DYSF: variants seen among roughly 807,000 people sequenced by gnomAD.
The protein encoded by DYSF is dysferlin, also known as dystrophy-associated fer-1-like 1.
DYSF carries 212 observed loss-of-function variants against 274.9 expected under a neutral mutation model. The observed-to-expected ratio is 0.77, with a 90% CI of 0.69 to 0.86. The LOEUF is 0.86. DYSF is among the 40% of genes least tolerant of loss of function. The probability of loss-of-function intolerance (pLI) is 0.00; values close to 1 mark genes in which losing one functional copy is unlikely to be tolerated. For synonymous variants in DYSF, 1,091 were observed against 1,078.7 expected (o/e 1.01, Z -0.22); for missense variants, 2,666 against 2,783.2 (o/e 0.96, Z 0.95).
At chr2:71,594,918 A>G (rs1451728807) in intron 32 of DYSF, among the ~76,000 whole-genome samples, 1 of 152,040 alleles carries the variant, frequency 6.6e-6, no homozygotes, top group Non-Finnish European at 1.5e-5. Flanking sequence ...CAGTAGTCAC[A>G]CTCTTAAGAG....
intron 42 of DYSF, among the ~76,000 whole-genome samples, chr2:71,652,174 G>A (rs1422272968): frequency 6.6e-6 from 1 of 152,178 alleles, no homozygotes; most frequent in Non-Finnish European, 1.5e-5. Flanking sequence ...CTCAATATAG[G>A]TTAAGGTACT....
chr2:71,543,869 AGACCG>A (rs2090211501), intron 17 of DYSF, among the ~76,000 whole-genome samples: 2 of 146,470 alleles, frequency 1.4e-5, no homozygotes, highest in Admixed American at 6.7e-5. Flanking sequence ...AGGGAGAGGG[AGACCG>A]TGGGGAGAGG....
intron 41 of DYSF, among the ~76,000 whole-genome samples, chr2:71,632,988 TCTTTA>T (rs2094340389): frequency 6.6e-6 from 1 of 152,228 alleles, no homozygotes; most frequent in Non-Finnish European, 1.5e-5. Context: ...TGGTTAAAGG[TCTTTA>T]CTTCTTTCCC....
intron 12 of DYSF, 122 bp downstream of exon 12, chr2:71,521,026 T>C (rs777429387): frequency 1.7e-4 from 130 of 759,388 alleles, no homozygotes; most frequent in Non-Finnish European, 2.6e-4. Context: ...TGGTAATTAA[T>C]GAGAAATGTG....
intron 42 of DYSF, 122 bp from the exon 43 acceptor site, chr2:71,656,040 T>G (rs962727474): frequency 3.5e-5 from 45 of 1,283,368 alleles, no homozygotes; most frequent in Non-Finnish European, 4.7e-5. Context: ...CTCTCTTCCT[T>G]CTCTCTCTTT....
chr2:71,632,146 T>G (rs548658975), intron 41 of DYSF, among the ~76,000 whole-genome samples: 11 of 152,348 alleles, frequency 7.2e-5, no homozygotes, highest in African/African-American at 2.4e-4. Flanking sequence ...CCTATCTCTA[T>G]TGGTCCTATG....
At chr2:71,538,087 C>T (rs752614946) in intron 16 of DYSF, among the ~76,000 whole-genome samples, 6 of 152,220 alleles carry the variant, frequency 3.9e-5, no homozygotes. Flanking sequence ...CCTCAAATCC[C>T]AGCTTTGCCA....
intron 1 of DYSF, among the ~76,000 whole-genome samples, chr2:71,455,374 A>G (rs2081017030): frequency 6.6e-6 from 1 of 152,168 alleles, no homozygotes; most frequent in Non-Finnish European, 1.5e-5. Flanking sequence ...AGCAGTGTAC[A>G]CCAAGAGTGG....
At chr2:71,548,799 CA>C (rs1008331927) in intron 17 of DYSF, among the ~76,000 whole-genome samples, 131 of 151,768 alleles carry the variant, frequency 8.6e-4, no homozygotes, top group African/African-American at 2.5e-3. Context: ...GTGGAGCCTT[CA>C]GGGGGGTGAT....
intron 4 of DYSF, among the ~76,000 whole-genome samples, chr2:71,508,809 A>G (rs2085770614): frequency 6.6e-6 from 1 of 152,018 alleles, no homozygotes; most frequent in Admixed American, 6.6e-5. Context: ...CCTCTTTGTC[A>G]TCTAACCTTT....
intron 17 of DYSF, among the ~76,000 whole-genome samples, chr2:71,550,697 G>C (rs1334433816): frequency 6.6e-6 from 1 of 152,324 alleles, no homozygotes; most frequent in South Asian, 2.1e-4. Context: ...CCAACTTTGT[G>C]TGCTGGCTGA....
intron 17 of DYSF, among the ~76,000 whole-genome samples, chr2:71,543,202 ACGC>A (rs2090109291): frequency 1.5e-5 from 2 of 135,908 alleles, no homozygotes; most frequent in Non-Finnish European, 3.1e-5. Context: ...CCCGTTAGAG[ACGC>A]TCCTCACCTC....
intron 1 of DYSF, among the ~76,000 whole-genome samples, chr2:71,476,338 G>A (rs957173641): frequency 3.3e-5 from 5 of 152,178 alleles, no homozygotes; most frequent in Non-Finnish European, 5.9e-5. Context: ...GACCACCTGA[G>A]GTCAGGAATT....
intron 17 of DYSF, among the ~76,000 whole-genome samples, chr2:71,548,431 CG>C (rs558006780): frequency 1.2e-3 from 178 of 152,264 alleles, no homozygotes; most frequent in African/African-American, 4.2e-3. Flanking sequence ...AACCACATCC[CG>C]GGTGTGCACG....
intron 24 of DYSF, among the ~76,000 whole-genome samples, chr2:71,565,344 G>A (rs1417781824): frequency 1.3e-5 from 2 of 151,288 alleles, no homozygotes; most frequent in Admixed American, 6.6e-5. Context: ...GCCTGCCTTG[G>A]CCTCCCAAAG....
intron 1 of DYSF, among the ~76,000 whole-genome samples, chr2:71,460,939 A>G (rs1239611370): frequency 3.8e-5 from 2 of 52,040 alleles, no homozygotes; most frequent in Non-Finnish European, 6.6e-5. Context: ...GATAGACAGG[A>G]AAAAAAAAAA....
At chr2:71,527,180 T>C (rs1186465222) in intron 13 of DYSF, among the ~76,000 whole-genome samples, 1 of 152,082 alleles carries the variant, frequency 6.6e-6, no homozygotes, top group East Asian at 1.9e-4. Context: ...ATTGGTAGGG[T>C]TTAAAGGCTC....
At chr2:71,546,590 C>T (rs573598543) in intron 17 of DYSF, among the ~76,000 whole-genome samples, 1 of 152,328 alleles carries the variant, frequency 6.6e-6, no homozygotes, top group Admixed American at 6.5e-5. Flanking sequence ...AGCTGCAGGT[C>T]TTTTGAGAGG....
chr2:71,682,728 G>A (rs762027834), intron 55 of DYSF, 51 bp downstream of exon 55: 9 of 1,584,058 alleles, frequency 5.7e-6, no homozygotes, highest in Non-Finnish European at 7.7e-6. Context: ...TCTAATGGGG[G>A]AGTTCATCAT....
Sources: gnomAD v4.1 joint callset for allele counts (sites outside exome capture counted in the v4.1 genomes callset) on GRCh38, gnomAD v4.1.1 for gene constraint, MANE v1.5 for transcripts, NCBI Gene and HGNC (gene_info 2026-07-23, HGNC 2026-07-21) for gene names.